SLC12A7: variants seen among roughly 807,000 people sequenced by gnomAD.
The protein encoded by SLC12A7 is solute carrier family 12 member 7.
In SLC12A7, 100 loss-of-function variants were observed where a neutral mutation model predicts 120.6. That is an observed-to-expected ratio of 0.83 (90% CI 0.71 to 0.98). SLC12A7 has a LOEUF of 0.98. Ranked by LOEUF, SLC12A7 falls within the 50% of genes least tolerant of loss-of-function variation. The pLI is 0.00. For missense variants in SLC12A7, 1,373 were observed against 1,548.1 expected (o/e 0.89, Z 1.90); for synonymous variants, 760 against 678.0 (o/e 1.12, Z -1.88).
At chr5:1,124,400 C>T in the SLC12A7 span, among the ~76,000 whole-genome samples, 2 of 152,250 alleles carry the variant, frequency 1.3e-5, no homozygotes, top group African/African-American at 4.8e-5. Context: ...GGACAGAAGA[C>T]CATGGGAGGG....
chr5:1,115,678 G>A (rs765263587), upstream of SLC12A7, among the ~76,000 whole-genome samples: 17 of 152,144 alleles, frequency 1.1e-4, no homozygotes, highest in East Asian at 1.9e-4. Flanking sequence ...GGAGGAGGCC[G>A]GCCCTGGAGG....
the SLC12A7 span, among the ~76,000 whole-genome samples, chr5:1,141,961 C>T: frequency 1.3e-5 from 2 of 152,190 alleles, no homozygotes; most frequent in Non-Finnish European, 2.9e-5. Flanking sequence ...GTGCTCCCAG[C>T]CACCAACTGT....
At chr5:1,094,432 G>A (rs1740876406) in intron 1 of SLC12A7, among the ~76,000 whole-genome samples, 184 bp from the exon 2 acceptor site, 1 of 152,170 alleles carries the variant, frequency 6.6e-6, no homozygotes, top group African/African-American at 2.4e-5. Flanking sequence ...AAAGAAAGGG[G>A]CATTTCCCAG....
At position 1,052,239 on chromosome 5, in the gene SLC12A7, C is replaced by G; in HGVS notation, c.*121G>C. ...CTTCCGTAGGAAGCCCCATGGGCAG[C>G]TTGGGCGGCATCACTGGGGGACAGG... On this transcript the variant is annotated 3_prime_UTR_variant, in exon 24 of 24. Coordinates refer to ENST00000264930, the MANE Select transcript of SLC12A7 (RefSeq NM_006598.3). The G allele has an allele frequency of 2.4e-6, 2 of 844,880 alleles. No homozygotes were observed. The highest frequency in any genetic ancestry group is 4.0e-6 in the Non-Finnish European group (2 of 498,088). 52.3% of individuals were successfully genotyped at this position (844,880 alleles called of 1,614,324 possible). A position where few individuals can be genotyped will look rare whatever the true frequency, so the allele number is the denominator to read the frequency against.
rs369875550 is a variant in SLC12A7 at position 1,057,661 on chromosome 5, G to A, written c.2848-12C>T. 47 of 1,588,474 alleles carry A rather than the reference G, an allele frequency of 3.0e-5. No individual in the cohort carries two copies. The highest frequency in any genetic ancestry group is 1.1e-4 in the South Asian group (10 of 89,574). The stretch of plus-strand genomic sequence containing the variant: ...TGGATCAGCTGGGCCTGGCGGGCCC[G>A]GGACTTGGTGAGACCAGCCGGTCTC... On this transcript the variant is annotated splice_polypyrimidine_tract_variant and intron_variant, in intron 21 of 23. Transcript: ENST00000264930.
chr5:1,083,894 T>C lies in SLC12A7; in HGVS notation c.980A>G (p.Tyr327Cys), dbSNP rs376683944. 6.9e-5 allele frequency: 111 copies of C among 1,608,506 alleles called. No individual in the cohort carries two copies. Among genetic ancestry groups the C allele is most frequent in the Admixed American group, 4.7e-4 (28 of 59,794 alleles). Residue 327 changes from tyrosine to cysteine, a missense_variant, in exon 8 of 24, where the codon TAC (tyrosine) becomes TGC (cysteine). Coordinates refer to ENST00000264930, the MANE Select transcript of SLC12A7 (RefSeq NM_006598.3). ...RRSFDACVKA[Y>C]GIHNNSATSA... ...GGTGGCTGAGTTGTTGTGGATGCCGTAGGCCTTGACGCAGGCATCGAAGCT... is the reference window on the plus strand; with the variant it reads ...GGTGGCTGAGTTGTTGTGGATGCCGCAGGCCTTGACGCAGGCATCGAAGCT...
chr5:1,116,457 C>A (rs1743323892), upstream of SLC12A7, among the ~76,000 whole-genome samples: 1 of 152,220 alleles, frequency 6.6e-6, no homozygotes, highest in Non-Finnish European at 1.5e-5. Flanking sequence ...TAGAAGGGGC[C>A]TCCCCTCCCA....
chr5:1,137,026 C>T, the SLC12A7 span, among the ~76,000 whole-genome samples: 1 of 152,204 alleles, frequency 6.6e-6, no homozygotes, highest in Admixed American at 6.5e-5. Flanking sequence ...AGGACACACA[C>T]ACGTGCTCAC....
chr5:1,075,582 A>G, intron 14 of SLC12A7, 92 bp from the exon 15 acceptor site: 1 of 1,489,758 alleles, frequency 6.7e-7, no homozygotes. Context: ...CTCCCTCAGT[A>G]AAACTCTCTG....
At chr5:1,142,865 C>G in the SLC12A7 span, among the ~76,000 whole-genome samples, 1 of 151,908 alleles carries the variant, frequency 6.6e-6, no homozygotes, top group African/African-American at 2.4e-5. Context: ...GCAACGTGCT[C>G]AGAACTCAGG....
the SLC12A7 span, among the ~76,000 whole-genome samples, chr5:1,123,744 A>C: frequency 6.6e-6 from 1 of 152,256 alleles, no homozygotes; most frequent in Admixed American, 6.5e-5. Flanking sequence ...ACAGTGTTGC[A>C]AACTGGTAGG....
chr5:1,115,869 T>A (rs1302566520), upstream of SLC12A7, among the ~76,000 whole-genome samples: 35 of 136,964 alleles, frequency 2.6e-4, no homozygotes, highest in African/African-American at 9.8e-4. Context: ...AGGAAAGAGG[T>A]GGGAAGGGAG....
At position 1,083,766 on chromosome 5, in the gene SLC12A7, C is replaced by T. The variant is rs746991958; in HGVS notation, c.1108G>A (p.Ala370Thr). 2.5e-5 allele frequency: 40 copies of T among 1,612,508 alleles called. 1 individual carries two copies. The highest frequency in any genetic ancestry group is 2.3e-4 in the Admixed American group (14 of 59,986). The stretch of plus-strand genomic sequence containing the variant: ...TCACCCAGGAAGACACCACTGGCCG[C>T]GCCCGGGATGCCCTGGATTTCGGTG... The part of the protein sequence containing the change: ...NVTEIQGIPG[A>T]ASGVFLENLW... Residue 370 changes from alanine (A) to threonine (T), a missense_variant, in exon 8 of 24, where the codon GCG becomes ACG. Coordinates refer to ENST00000264930, the MANE Select transcript of SLC12A7 (RefSeq NM_006598.3).
At chr5:1,082,109 C>G (rs1172550462) in intron 8 of SLC12A7, among the ~76,000 whole-genome samples, 1 of 138,676 alleles carries the variant, frequency 7.2e-6, no homozygotes, top group African/African-American at 2.7e-5. Flanking sequence ...CTCTAGGGTT[C>G]TGGAAAGTCC....
At chr5:1,081,780 C>A in intron 8 of SLC12A7, 36 bp from the exon 9 acceptor site, 1 of 1,591,578 alleles carries the variant, frequency 6.3e-7, no homozygotes, top group Non-Finnish European at 8.6e-7. Context: ...GTTTCTGGCA[C>A]CTTCTGTGCA....
chr5:1,136,282 C>G, the SLC12A7 span, among the ~76,000 whole-genome samples: 2 of 152,274 alleles, frequency 1.3e-5, no homozygotes, highest in South Asian at 2.1e-4. Flanking sequence ...TGACACCCAC[C>G]AAGACATGAG....
chr5:1,110,673 G>A (rs1222864493), intron 1 of SLC12A7, among the ~76,000 whole-genome samples: 2 of 152,240 alleles, frequency 1.3e-5, no homozygotes, highest in African/African-American at 2.4e-5. Context: ...CTGCCTCCAC[G>A]GTGGTGACTG....
intron 1 of SLC12A7, among the ~76,000 whole-genome samples, chr5:1,109,815 G>A (rs536566894): frequency 3.1e-4 from 47 of 152,368 alleles, no homozygotes; most frequent in African/African-American, 1.0e-3. Flanking sequence ...TCACCCAGGC[G>A]CCAGCCCAGA....
intron 1 of SLC12A7, among the ~76,000 whole-genome samples, chr5:1,102,992 A>C (rs1742165243): frequency 6.6e-6 from 1 of 152,184 alleles, no homozygotes; most frequent in Non-Finnish European, 1.5e-5. Context: ...GGGCACTGAA[A>C]TAAAGTGTGT....
Sources: allele counts gnomAD v4.1 joint callset (sites outside exome capture counted in the v4.1 genomes callset), GRCh38; gene constraint gnomAD v4.1.1; transcripts MANE v1.5; gene names NCBI Gene and HGNC (gene_info 2026-07-23, HGNC 2026-07-21).